STIM2: variants seen among roughly 807,000 people sequenced by gnomAD.
STIM2 encodes the protein stromal interaction molecule 2.
STIM2 carries 31 observed loss-of-function variants against 85.8 expected under a neutral mutation model. The ratio of observed to expected loss-of-function variants is 0.36; its 90% CI spans 0.27 to 0.49. STIM2 has a LOEUF of 0.49. Among genes scored for constraint, STIM2 ranks in the 20% least tolerant of loss-of-function variants. The probability of loss-of-function intolerance (pLI) is 0.98; values close to 1 mark genes in which losing one functional copy is unlikely to be tolerated. For synonymous variants in STIM2, 356 were observed against 331.1 expected, an observed-to-expected ratio of 1.08 and a Z score of -0.82; for missense variants, 841 against 927.6, an observed-to-expected ratio of 0.91 and a Z score of 1.21.
intron 3 of STIM2, among the ~76,000 whole-genome samples, chr4:26,977,673 C>T (rs558027696): frequency 6.6e-6 from 1 of 152,208 alleles, no homozygotes; most frequent in South Asian, 2.1e-4. Flanking sequence ...AATAAAAGTT[C>T]ATTCTTAGGT....
chr4:26,963,010 A>T (rs73116687), intron 3 of STIM2, among the ~76,000 whole-genome samples: 16 of 152,168 alleles, frequency 1.1e-4, no homozygotes, highest in Non-Finnish European at 2.4e-4. Context: ...GAAATTTAAG[A>T]TAATGTTTAT....
chr4:26,949,644 G>A (rs958593056), intron 2 of STIM2, among the ~76,000 whole-genome samples: 2 of 152,148 alleles, frequency 1.3e-5, no homozygotes, highest in Admixed American at 6.5e-5. Flanking sequence ...TCTGCTTCCT[G>A]TGTCTCACTC....
chr4:26,965,598 C>T (rs1726687313), intron 3 of STIM2, among the ~76,000 whole-genome samples: 2 of 152,058 alleles, frequency 1.3e-5, no homozygotes, highest in South Asian at 4.1e-4. Flanking sequence ...ATCTACCCAT[C>T]AGGGCTGTTT....
intron 1 of STIM2, among the ~76,000 whole-genome samples, chr4:26,878,544 A>G (rs1166947325): frequency 6.6e-6 from 1 of 151,740 alleles, no homozygotes; most frequent in East Asian, 1.9e-4. Context: ...CTAGTCTGTA[A>G]TTGTCTCTCA....
At chr4:27,011,653 C>T (rs1432788900) in intron 10 of STIM2, among the ~76,000 whole-genome samples, 2 of 152,132 alleles carry the variant, frequency 1.3e-5, no homozygotes, top group East Asian at 1.9e-4. Flanking sequence ...AACTCGAATG[C>T]GTATGAAATG....
At chr4:27,003,678 A>G (rs1728237190) in intron 7 of STIM2, among the ~76,000 whole-genome samples, 1 of 152,080 alleles carries the variant, frequency 6.6e-6, no homozygotes, top group South Asian at 2.1e-4. Flanking sequence ...CCTGCTGTAA[A>G]AAGAAAAAAA....
intron 2 of STIM2, among the ~76,000 whole-genome samples, chr4:26,936,847 T>C (rs1370754554): frequency 6.6e-6 from 1 of 152,180 alleles, no homozygotes; most frequent in Non-Finnish European, 1.5e-5. Context: ...TGGAGTTCAG[T>C]GGCGTGAACA....
At chr4:26,894,939 C>T (rs985533998) in intron 1 of STIM2, among the ~76,000 whole-genome samples, 3 of 152,186 alleles carry the variant, frequency 2.0e-5, no homozygotes, top group Non-Finnish European at 2.9e-5. Context: ...TGGCCGGGTG[C>T]GGTGGCTCAC....
intron 3 of STIM2, among the ~76,000 whole-genome samples, chr4:26,971,897 G>A (rs1726969770): frequency 6.6e-6 from 1 of 152,094 alleles, no homozygotes; most frequent in Non-Finnish European, 1.5e-5. Context: ...CCATTTGTTT[G>A]TGTCCTCTTT....
intron 10 of STIM2, among the ~76,000 whole-genome samples, chr4:27,015,681 G>A (rs1577498862): frequency 6.6e-6 from 1 of 151,622 alleles, no homozygotes; most frequent in Non-Finnish European, 1.5e-5. Context: ...AACTTGGTTC[G>A]GGTTCTTTTT....
chr4:26,902,410 T>TA (rs1723956282), intron 1 of STIM2, among the ~76,000 whole-genome samples: 1 of 152,200 alleles, frequency 6.6e-6, no homozygotes, highest in African/African-American at 2.4e-5. Context: ...GCAAAGAACT[T>TA]TAATCCTAAG....
intron 2 of STIM2, among the ~76,000 whole-genome samples, chr4:26,926,194 G>C: frequency 7.7e-5 from 1 of 13,060 alleles, no homozygotes; most frequent in African/African-American, 3.1e-4. Context: ...AGTTCATATG[G>C]AACCAAAAAA....
intron 2 of STIM2, among the ~76,000 whole-genome samples, chr4:26,939,362 G>C (rs76980626): frequency 0.013 from 1,945 of 152,150 alleles, 34 homozygotes; most frequent in African/African-American, 0.044. Flanking sequence ...TGGCCTTTCT[G>C]GGTCTGGCCT....
intron 3 of STIM2, among the ~76,000 whole-genome samples, chr4:26,975,476 G>A (rs1475332283): frequency 6.6e-6 from 1 of 152,170 alleles, no homozygotes; most frequent in Admixed American, 6.5e-5. Context: ...CTGTTTGTTA[G>A]TTTTCTTTCT....
At chr4:27,016,896 G>T (rs1389050175) in intron 10 of STIM2, among the ~76,000 whole-genome samples, 3 of 152,224 alleles carry the variant, frequency 2.0e-5, no homozygotes, top group South Asian at 4.1e-4. Flanking sequence ...CAGCAGGAAT[G>T]CATTTGTATA....
At chr4:26,896,022 C>T (rs1577422939) in intron 1 of STIM2, among the ~76,000 whole-genome samples, 1 of 152,278 alleles carries the variant, frequency 6.6e-6, no homozygotes, top group South Asian at 2.1e-4. Flanking sequence ...TTGGTTGGGC[C>T]ATGTCCTCAT....
At chr4:26,875,050 A>G (rs183430940) in intron 1 of STIM2, among the ~76,000 whole-genome samples, 10 of 152,336 alleles carry the variant, frequency 6.6e-5, no homozygotes, top group East Asian at 1.9e-4. Context: ...GCTGAATGGC[A>G]TATTGGTTTT....
chr4:26,976,012 C>T (rs768013273), intron 3 of STIM2, among the ~76,000 whole-genome samples: 9 of 152,200 alleles, frequency 5.9e-5, no homozygotes, highest in African/African-American at 1.9e-4. Flanking sequence ...CAGACTGCTG[C>T]GCTAGCAGTG....
At chr4:26,866,365 A>G (rs986586993) in intron 1 of STIM2, among the ~76,000 whole-genome samples, 2 of 152,142 alleles carry the variant, frequency 1.3e-5, no homozygotes, top group Non-Finnish European at 2.9e-5. Context: ...GGTATGTTGT[A>G]TGCATCCTTA....
Sources: allele counts gnomAD v4.1 joint callset (sites outside exome capture counted in the v4.1 genomes callset), GRCh38; gene constraint gnomAD v4.1.1; transcripts MANE v1.5; gene names NCBI Gene and HGNC (gene_info 2026-07-23, HGNC 2026-07-21).